The following CAMKMT variants were observed in gnomAD, a reference collection of about 807,000 sequenced individuals.
CAMKMT encodes calmodulin-lysine N-methyltransferase, also known as CaM KMT.
A neutral mutation model predicts 48.0 loss-of-function variants in CAMKMT; 53 were observed. The observed-to-expected ratio is 1.10, with a 90% CI of 0.89 to 1.39. The LOEUF (loss-of-function observed/expected upper bound fraction) is 1.39. Ranked by LOEUF, CAMKMT falls within the 40% of genes most tolerant of loss-of-function variation. The probability of loss-of-function intolerance (pLI) is 0.00; values close to 1 mark genes in which losing one functional copy is unlikely to be tolerated. For synonymous variants in CAMKMT, 165 were observed against 152.3 expected (o/e 1.08, Z -0.61); for missense variants, 428 against 402.7 (o/e 1.06, Z -0.54).
intron 3 of CAMKMT, among the ~76,000 whole-genome samples, chr2:44,614,248 A>T (rs1671750337): frequency 6.6e-6 from 1 of 152,202 alleles, no homozygotes; most frequent in Non-Finnish European, 1.5e-5. Context: ...GGGAAGAGAG[A>T]GATGGGTTTA....
intron 3 of CAMKMT, among the ~76,000 whole-genome samples, chr2:44,488,158 T>G (rs760945000): frequency 6.6e-6 from 1 of 152,182 alleles, no homozygotes; most frequent in Non-Finnish European, 1.5e-5. Flanking sequence ...TTATCTATCT[T>G]TAGGGATATG....
chr2:44,521,501 A>G (rs934764344), intron 3 of CAMKMT, among the ~76,000 whole-genome samples: 14 of 152,090 alleles, frequency 9.2e-5, no homozygotes, highest in Non-Finnish European at 2.1e-4. Context: ...GGATGGTCTC[A>G]ATCCCCTGAC....
At chr2:44,663,117 A>T (rs530711865) in intron 3 of CAMKMT, among the ~76,000 whole-genome samples, 176 of 152,320 alleles carry the variant, frequency 1.2e-3, no homozygotes, top group African/African-American at 4.1e-3. Context: ...TATAATTATA[A>T]AATCAGGAAA....
At chr2:44,398,652 C>G (rs958758704) in intron 3 of CAMKMT, among the ~76,000 whole-genome samples, 4 of 148,934 alleles carry the variant, frequency 2.7e-5, no homozygotes, top group Non-Finnish European at 5.9e-5. Context: ...AGCCCCTTCT[C>G]TAAGGTACTT....
At chr2:44,548,665 A>G (rs988598878) in intron 3 of CAMKMT, among the ~76,000 whole-genome samples, 11 of 152,190 alleles carry the variant, frequency 7.2e-5, no homozygotes, top group Non-Finnish European at 1.3e-4. Flanking sequence ...AGAGACGGGA[A>G]GTCAGAGACG....
chr2:44,706,308 AG>A lies in CAMKMT; in HGVS notation c.464del (p.Gly155ValfsTer3). ...IFRALAVCEL[G>X]GGMTCLAGLM... ...TCAGGGCCCTTGCTGTGTGTGAGCT[AG>A]GGGGTGGCATGACATGCTTGGCTGG... On this transcript the variant is annotated frameshift_variant, in exon 5 of 11. Coordinates refer to ENST00000378494, the MANE Select transcript of CAMKMT (RefSeq NM_024766.5). LOFTEE classifies it high-confidence loss of function. 6.2e-7 allele frequency: 1 copy of A among 1,613,124 alleles called. No homozygotes were observed.
At chr2:44,530,892 G>T (rs557806633) in intron 3 of CAMKMT, among the ~76,000 whole-genome samples, 75 of 151,982 alleles carry the variant, frequency 4.9e-4, no homozygotes, top group Admixed American at 6.6e-4. Flanking sequence ...TAGAGGTTTA[G>T]AAACAATTAT....
intron 3 of CAMKMT, among the ~76,000 whole-genome samples, chr2:44,438,198 A>G (rs1269140861): frequency 1.3e-5 from 2 of 152,202 alleles, no homozygotes; most frequent in Non-Finnish European, 2.9e-5. Context: ...GGCTAGCTCC[A>G]GTGTTCATGC....
At chr2:44,415,843 C>G (rs777647041) in intron 3 of CAMKMT, among the ~76,000 whole-genome samples, 1 of 152,108 alleles carries the variant, frequency 6.6e-6, no homozygotes, top group Non-Finnish European at 1.5e-5. Flanking sequence ...TACTTCATTT[C>G]TAACCCCTAC....
chr2:44,721,563 TTACTA>T (rs1678462266), intron 7 of CAMKMT, among the ~76,000 whole-genome samples: 1 of 152,220 alleles, frequency 6.6e-6, no homozygotes, highest in Non-Finnish European at 1.5e-5. Flanking sequence ...TATAATTTAC[TTACTA>T]TACAAGTCAC....
intron 3 of CAMKMT, among the ~76,000 whole-genome samples, chr2:44,476,990 A>T (rs1315935493): frequency 2.0e-5 from 3 of 152,214 alleles, no homozygotes; most frequent in African/African-American, 4.8e-5. Context: ...CAGTCATATC[A>T]ATGGTAGTTC....
intron 3 of CAMKMT, among the ~76,000 whole-genome samples, chr2:44,445,135 G>A (rs958239319): frequency 6.6e-6 from 1 of 152,132 alleles, no homozygotes; most frequent in African/African-American, 2.4e-5. Flanking sequence ...ATGAGGTCCC[G>A]GGAACTCCAA....
intron 7 of CAMKMT, among the ~76,000 whole-genome samples, chr2:44,731,384 A>C (rs1305974708): frequency 6.6e-6 from 1 of 152,202 alleles, no homozygotes; most frequent in Non-Finnish European, 1.5e-5. Flanking sequence ...CCCTACAGCC[A>C]GGAGTCTGAA....
intron 3 of CAMKMT, among the ~76,000 whole-genome samples, chr2:44,475,339 A>T (rs1282090988): frequency 6.9e-6 from 1 of 145,678 alleles, no homozygotes; most frequent in South Asian, 2.1e-4. Context: ...TTTTTTTGAG[A>T]TGGAGTCTTG....
intron 3 of CAMKMT, among the ~76,000 whole-genome samples, chr2:44,471,050 A>G (rs189233441): frequency 1.7e-4 from 23 of 134,458 alleles, no homozygotes; most frequent in African/African-American, 6.6e-4. Context: ...GCTGGAGTGC[A>G]GTGGTGCGAT....
rs79547844 is a variant in CAMKMT at position 44,533,877 on chromosome 2, A to G, written c.376+143572A>G. 3.3e-3 allele frequency among the ~76,000 whole-genome samples: 508 copies of G among 152,334 alleles called. 2 individuals carry two copies. Among genetic ancestry groups the G allele is most frequent in the African/African-American group, 0.012 (481 of 41,584 alleles). ...ACAATTAACAGTATAACAGGAGCAT[A>G]TCAATAATACCCTCAAATGTAAGTG... On this transcript the variant is annotated intron_variant, in intron 3 of 10. Transcript: ENST00000378494.
chr2:44,593,271 C>T (rs768758522), intron 3 of CAMKMT, among the ~76,000 whole-genome samples: 1 of 152,204 alleles, frequency 6.6e-6, no homozygotes, highest in Non-Finnish European at 1.5e-5. Context: ...TCTTTGTGAA[C>T]ACTGGATACT....
chr2:44,531,298 T>A (rs1268781853), intron 3 of CAMKMT, among the ~76,000 whole-genome samples: 2 of 152,122 alleles, frequency 1.3e-5, no homozygotes, highest in Non-Finnish European at 2.9e-5. Context: ...ATCCTGGAAA[T>A]ATATGGCTCT....
chr2:44,396,875 A>G (rs1034830819), intron 3 of CAMKMT, among the ~76,000 whole-genome samples: 21 of 152,118 alleles, frequency 1.4e-4, no homozygotes, highest in East Asian at 7.7e-4. Flanking sequence ...CCTGGCCAAC[A>G]TGGTGAAACC....
Sources: gnomAD v4.1 joint callset for allele counts (sites outside exome capture counted in the v4.1 genomes callset) on GRCh38, gnomAD v4.1.1 for gene constraint, MANE v1.5 for transcripts, NCBI Gene and HGNC (gene_info 2026-07-23, HGNC 2026-07-21) for gene names.